Variants in RNF13 observed in about 807,000 individuals in gnomAD.
RNF13 encodes E3 ubiquitin-protein ligase RNF13.
In RNF13, 19 loss-of-function variants were observed where a neutral mutation model predicts 37.7. The observed-to-expected ratio is 0.50, with a 90% CI of 0.35 to 0.74. The LOEUF (loss-of-function observed/expected upper bound fraction) is 0.74, where lower values mean the gene tolerates loss of function less well. RNF13 is among the 30% of genes least tolerant of loss of function. The pLI is 0.01. For missense variants in RNF13, 375 were observed against 453.0 expected, an observed-to-expected ratio of 0.83 and a Z score of 1.56; for synonymous variants, 144 against 157.8, an observed-to-expected ratio of 0.91 and a Z score of 0.65.
At chr3:149,949,987 T>G (rs1307755384) in intron 8 of RNF13, among the ~76,000 whole-genome samples, 1 of 152,180 alleles carries the variant, frequency 6.6e-6, no homozygotes, top group African/African-American at 2.4e-5. Context: ...TTTTCCGTCT[T>G]TTTTCTCTTT....
chr3:149,854,963 T>G (rs1411561978), intron 3 of RNF13, among the ~76,000 whole-genome samples: 1 of 152,128 alleles, frequency 6.6e-6, no homozygotes. Flanking sequence ...TTTGGGAAGG[T>G]GGAATGCGTA....
chr3:149,882,866 T>G (rs1216752212), intron 4 of RNF13, among the ~76,000 whole-genome samples: 1 of 152,152 alleles, frequency 6.6e-6, no homozygotes, highest in Non-Finnish European at 1.5e-5. Flanking sequence ...ATTTAAAAAA[T>G]AATGCCCTCA....
At chr3:149,946,728 C>T (rs1720804549) in intron 8 of RNF13, among the ~76,000 whole-genome samples, 1 of 152,084 alleles carries the variant, frequency 6.6e-6, no homozygotes, top group Non-Finnish European at 1.5e-5. Flanking sequence ...TAAAGATTTG[C>T]TAATTTTGTT....
chr3:149,863,978 A>T, intron 3 of RNF13, among the ~76,000 whole-genome samples: 1 of 126,730 alleles, frequency 7.9e-6, no homozygotes, highest in East Asian at 2.4e-4. Flanking sequence ...ATTTTGTTGC[A>T]TGTAGCTGGA....
intron 4 of RNF13, among the ~76,000 whole-genome samples, chr3:149,877,340 T>C (rs772039449): frequency 7.2e-5 from 11 of 152,186 alleles, no homozygotes; most frequent in Non-Finnish European, 1.6e-4. Flanking sequence ...TTGGCATTAT[T>C]TCTAAGCCTA....
At chr3:149,901,303 A>G (rs1274897484) in intron 5 of RNF13, among the ~76,000 whole-genome samples, 2 of 152,226 alleles carry the variant, frequency 1.3e-5, no homozygotes, top group Non-Finnish European at 2.9e-5. Flanking sequence ...GGCCTTCTCT[A>G]AAGCCAAATG....
chr3:149,821,122 G>A (rs1442339672), intron 1 of RNF13, among the ~76,000 whole-genome samples: 2 of 152,222 alleles, frequency 1.3e-5, no homozygotes, highest in Admixed American at 6.5e-5. Context: ...ATATGTTGCT[G>A]TGAATATTTG....
At chr3:149,860,992 C>T (rs925122118) in intron 3 of RNF13, among the ~76,000 whole-genome samples, 3 of 151,814 alleles carry the variant, frequency 2.0e-5, no homozygotes, top group African/African-American at 4.8e-5. Flanking sequence ...AAATGGCCAA[C>T]GGGCATATGA....
intron 3 of RNF13, among the ~76,000 whole-genome samples, chr3:149,862,277 T>G (rs1272138235): frequency 6.6e-6 from 1 of 152,038 alleles, no homozygotes; most frequent in Non-Finnish European, 1.5e-5. Context: ...TAGACTAGAG[T>G]ATGAGAATAA....
chr3:149,830,462 T>A (rs1720921554), intron 1 of RNF13, among the ~76,000 whole-genome samples: 1 of 25,388 alleles, frequency 3.9e-5, no homozygotes, highest in Non-Finnish European at 7.6e-5. Context: ...CCCTAGAGAT[T>A]TGTGGAACTT....
chr3:149,950,800 T>C (rs1444589434), intron 8 of RNF13, among the ~76,000 whole-genome samples: 1 of 152,162 alleles, frequency 6.6e-6, no homozygotes, highest in East Asian at 1.9e-4. Flanking sequence ...AGTGAGCCTG[T>C]GGCCCAAGGG....
intron 4 of RNF13, among the ~76,000 whole-genome samples, chr3:149,888,048 G>A (rs558843206): frequency 3.7e-4 from 57 of 152,166 alleles, no homozygotes; most frequent in Non-Finnish European, 7.5e-4. Context: ...TCTTCCTAGT[G>A]AGTAAGCACT....
At position 149,921,709 on chromosome 3, in the gene RNF13, C is replaced by T. The variant is rs1718147335; in HGVS notation, c.700+482C>T. Among the ~76,000 whole-genome samples the T allele has an allele frequency of 2.0e-5, 3 of 152,168 alleles. No individual in the cohort carries two copies. The South Asian group carries it at 6.2e-4, about 32-fold the overall frequency. On this transcript the variant is annotated intron_variant, in intron 8 of 9. Coordinates refer to ENST00000392894, the MANE Select transcript of RNF13 (RefSeq NM_183381.3). ...CTTTATCCAGTCTATTATTGATGGA[C>T]ATTTGGGTTGGTTCCAAGTCTTTGC... is the stretch of plus-strand genomic sequence containing the variant.
chr3:149,953,930 A>G (rs902178085), intron 8 of RNF13, among the ~76,000 whole-genome samples: 8 of 152,220 alleles, frequency 5.3e-5, no homozygotes, highest in Admixed American at 2.6e-4. Flanking sequence ...AACCTCTTAA[A>G]TAAAAATCAT....
chr3:149,831,802 A>G (rs1242689508), intron 1 of RNF13, among the ~76,000 whole-genome samples: 2 of 152,190 alleles, frequency 1.3e-5, no homozygotes, highest in Non-Finnish European at 2.9e-5. Flanking sequence ...TGTGTTAGAA[A>G]TTCTAGTTGC....
At chr3:149,858,116 C>T (rs530573287) in intron 3 of RNF13, among the ~76,000 whole-genome samples, 1 of 152,358 alleles carries the variant, frequency 6.6e-6, no homozygotes, top group East Asian at 1.9e-4. Flanking sequence ...CTTTGGCCTT[C>T]TCCATCATGT....
At chr3:149,873,688 A>T (rs1037223201) in intron 4 of RNF13, among the ~76,000 whole-genome samples, 2 of 152,116 alleles carry the variant, frequency 1.3e-5, no homozygotes, top group Non-Finnish European at 2.9e-5. Flanking sequence ...CATCGGTTAC[A>T]TGCTAGCTGA....
intron 3 of RNF13, among the ~76,000 whole-genome samples, chr3:149,861,756 G>T (rs548480603): frequency 2.1e-4 from 32 of 152,096 alleles, no homozygotes; most frequent in Non-Finnish European, 4.7e-4. Context: ...AATGTATTAA[G>T]TATATTTTGA....
chr3:149,910,117 G>A (rs1051764510), intron 6 of RNF13, among the ~76,000 whole-genome samples: 15 of 152,180 alleles, frequency 9.9e-5, no homozygotes, highest in Admixed American at 5.9e-4. Context: ...GAGGATTAGC[G>A]TCTCATGGAA....
Sources: allele counts gnomAD v4.1 joint callset (sites outside exome capture counted in the v4.1 genomes callset), GRCh38; gene constraint gnomAD v4.1.1; transcripts MANE v1.5; gene names NCBI Gene and HGNC (gene_info 2026-07-23, HGNC 2026-07-21).